The following PDE8A variants were observed in gnomAD, a reference collection of about 807,000 sequenced individuals.
PDE8A encodes the protein high affinity cAMP-specific and IBMX-insensitive 3',5'-cyclic phosphodiesterase 8A.
PDE8A carries 59 observed loss-of-function variants against 105.0 expected under a neutral mutation model. The ratio of observed to expected loss-of-function variants is 0.56; its 90% confidence interval spans 0.46 to 0.70. PDE8A has a LOEUF of 0.70. Ranked by LOEUF, PDE8A falls within the 30% of genes least tolerant of loss-of-function variation. PDE8A has a pLI of 0.00. For synonymous variants in PDE8A, 355 were observed against 371.9 expected (o/e 0.95, Z 0.52); for missense variants, 1,014 against 1,045.9 (o/e 0.97, Z 0.42).
chr15:85,099,276 G>A (rs1361739974), intron 9 of PDE8A, among the ~76,000 whole-genome samples: 1 of 152,212 alleles, frequency 6.6e-6, no homozygotes, highest in South Asian at 2.1e-4. Flanking sequence ...TTCTAGCCCA[G>A]GGGTCCAGCT....
chr15:85,123,337 T>TACACACACACACAC lies in PDE8A; in HGVS notation c.2085+180_2085+193dup, dbSNP rs58421452. 440 of 330,388 alleles carry TACACACACACACAC rather than the reference T, an allele frequency of 1.3e-3. 7 individuals carry two copies. Among genetic ancestry groups the TACACACACACACAC allele is most frequent in the African/African-American group, 6.3e-3 (253 of 39,942 alleles). The allele number at this position is 330,388 out of a possible 1,614,324, so 20.5% of individuals were successfully genotyped here. On this transcript the variant is annotated intron_variant, in intron 19 of 21. Coordinates refer to ENST00000394553, the MANE Select transcript of PDE8A (RefSeq NM_002605.3). ...TCTTACAGGGACAGAACTAATGGGA[T>TACACACACACACAC]ACACACACACACACACACACACACA... is the stretch of plus-strand genomic sequence containing the variant.
chr15:85,009,964 A>T (rs1222793841), intron 1 of PDE8A, among the ~76,000 whole-genome samples: 1 of 152,240 alleles, frequency 6.6e-6, no homozygotes, highest in African/African-American at 2.4e-5. Context: ...TCATTGCTAC[A>T]TGCAACACCA....
intron 19 of PDE8A, 30 bp downstream of exon 19, chr15:85,123,223 G>C (rs774438801): frequency 6.2e-7 from 1 of 1,610,842 alleles, no homozygotes; most frequent in South Asian, 1.1e-5. Flanking sequence ...AAGAGAACCT[G>C]TGTTTGGGGT....
chr15:85,021,215 C>A (rs1392746000), intron 1 of PDE8A, among the ~76,000 whole-genome samples: 1 of 152,140 alleles, frequency 6.6e-6, no homozygotes, highest in African/African-American at 2.4e-5. Flanking sequence ...GGACCTCCCA[C>A]CCTCCAGAAC....
rs2142131048 is a variant in PDE8A, at chr15:84,982,334, G to C, written c.172G>C (p.Gly58Arg). ...AGLLESELRDGSGKKVAVADV... is the reference protein window; with the variant it reads ...AGLLESELRDRSGKKVAVADV... ...CCTCTTGGAGTCGGAGCTTCGCGAC[G>C]GCAGCGGCAAGAAGGTAAGGGGCGC... The change falls in exon 1 of 22, where the codon GGC becomes CGC. Residue 58 changes from glycine (G) to arginine (R), a missense_variant. Physicochemically the swap from Gly to Arg is moderately radical, Grantham distance 125. Transcript: ENST00000394553. The C allele has an allele frequency of 7.5e-7, 1 of 1,328,006 alleles. No individual in the cohort carries two copies. Among genetic ancestry groups the C allele is most frequent in the Non-Finnish European group, 9.6e-7 (1 of 1,042,512 alleles). 82.3% of individuals were successfully genotyped at this position (1,328,006 alleles called of 1,614,324 possible).
chr15:85,002,268 C>T (rs1456124428), intron 1 of PDE8A, among the ~76,000 whole-genome samples: 5 of 152,172 alleles, frequency 3.3e-5, no homozygotes, highest in Non-Finnish European at 7.3e-5. Context: ...TGGAAGTTCT[C>T]ATGACCACCC....
intron 9 of PDE8A, among the ~76,000 whole-genome samples, chr15:85,099,311 G>T (rs1259208427): frequency 1.3e-5 from 2 of 152,250 alleles, no homozygotes; most frequent in Admixed American, 1.3e-4. Context: ...CAGCCAGGCT[G>T]CAGACCTCAG....
At chr15:85,017,254 C>G (rs1397307139) in intron 1 of PDE8A, among the ~76,000 whole-genome samples, 2 of 119,986 alleles carry the variant, frequency 1.7e-5, no homozygotes, top group Non-Finnish European at 1.8e-5. Flanking sequence ...GGCGACAGAG[C>G]GAGACTCCAA....
chr15:85,134,740 C>G (rs1490637534), intron 20 of PDE8A, among the ~76,000 whole-genome samples: 1 of 152,216 alleles, frequency 6.6e-6, no homozygotes, highest in Non-Finnish European at 1.5e-5. Flanking sequence ...CTAGGAAAAC[C>G]TCCAGAGGTT....
chr15:85,028,255 C>T (rs2080551661), intron 1 of PDE8A, among the ~76,000 whole-genome samples: 1 of 152,224 alleles, frequency 6.6e-6, no homozygotes, highest in Non-Finnish European at 1.5e-5. Context: ...GCTCTTATCA[C>T]TCAGGCTGGA....
chr15:85,116,141 C>A (rs369107311), intron 16 of PDE8A, 22 bp downstream of exon 16: 1 of 1,612,794 alleles, frequency 6.2e-7, no homozygotes, highest in South Asian at 1.1e-5. Flanking sequence ...CAGAGCTCAG[C>A]AGCGGGAGAA....
chr15:85,045,892 A>G (rs2080878654), intron 1 of PDE8A, among the ~76,000 whole-genome samples: 1 of 152,116 alleles, frequency 6.6e-6, no homozygotes, highest in Non-Finnish European at 1.5e-5. Flanking sequence ...TCAGACCAAA[A>G]TTGGATTTAT....
intron 3 of PDE8A, among the ~76,000 whole-genome samples, chr15:85,070,163 A>T (rs949592996): frequency 2.0e-5 from 3 of 152,080 alleles, no homozygotes; most frequent in Non-Finnish European, 4.4e-5. Flanking sequence ...AACACTGCCT[A>T]TGGAGAGCTT....
Position 85,136,619 on chromosome 15 carries a change from C to T in PDE8A, c.2339C>T (p.Ser780Phe). The change falls in exon 21 of 22, where the codon TCT becomes TTT. Residue 780 changes from serine (S) to phenylalanine (F), a missense_variant. Transcript: ENST00000394553. ...NTCSIPKSQI[S>F]FIDYFITDMF... is the part of the protein sequence containing the mutation. ...TGCAGCATCCCCAAATCCCAAATCTCTTTCATTGATTACTTCATCACAGAC... is the reference window on the plus strand; with the variant it reads ...TGCAGCATCCCCAAATCCCAAATCTTTTTCATTGATTACTTCATCACAGAC... The T allele has an allele frequency of 6.2e-7, 1 of 1,613,910 alleles. No individual in the cohort carries two copies. Among genetic ancestry groups the T allele is most frequent in the Non-Finnish European group, 8.5e-7 (1 of 1,179,868 alleles).
At chr15:84,985,349 C>T (rs753299796) in intron 1 of PDE8A, among the ~76,000 whole-genome samples, 2 of 152,092 alleles carry the variant, frequency 1.3e-5, no homozygotes, top group Non-Finnish European at 2.9e-5. Flanking sequence ...TTATTCCTTT[C>T]GGGAGTTTAA....
At chr15:85,010,296 C>T (rs571104484) in intron 1 of PDE8A, among the ~76,000 whole-genome samples, 4 of 152,176 alleles carry the variant, frequency 2.6e-5, no homozygotes, top group Non-Finnish European at 5.9e-5. Flanking sequence ...AAAAAACTTT[C>T]AGTGTTTATT....
rs530941241 is a variant in PDE8A at position 85,065,509 on chromosome 15, A to G, written c.243+1083A>G. ...AAAAAAAAAAAAAAGAAAACAACCA[A>G]TTGAAATTCAGCGAAGTTATCCATG... On this transcript the variant is annotated intron_variant, in intron 2 of 21. Transcript: ENST00000394553. Among the ~76,000 whole-genome samples, 14 of 152,140 alleles carry G rather than the reference A, an allele frequency of 9.2e-5. No individual in the cohort carries two copies. In the South Asian group the frequency reaches 2.9e-3, roughly 32 times the overall value.
intron 1 of PDE8A, among the ~76,000 whole-genome samples, chr15:84,985,167 T>G (rs1366071931): frequency 6.6e-6 from 1 of 152,198 alleles, no homozygotes; most frequent in African/African-American, 2.4e-5. Flanking sequence ...AAGACCTGAT[T>G]CTTTATGTGA....
intron 19 of PDE8A, 67 bp downstream of exon 19, chr15:85,123,260 C>T (rs2082209371): frequency 6.7e-7 from 1 of 1,503,024 alleles, no homozygotes; most frequent in Non-Finnish European, 9.2e-7. Context: ...TATGGAGACA[C>T]ATGGGCTATG....
Sources: gnomAD v4.1 joint callset for allele counts (sites outside exome capture counted in the v4.1 genomes callset) on GRCh38, gnomAD v4.1.1 for gene constraint, MANE v1.5 for transcripts, NCBI Gene and HGNC (gene_info 2026-07-23, HGNC 2026-07-21) for gene names.